The following CDYL variants were observed in gnomAD, a reference collection of about 807,000 sequenced individuals.
CDYL encodes chromodomain Y like, also known as chromodomain Y-like protein.
In CDYL, 8 loss-of-function variants were observed where a neutral mutation model predicts 47.3. The observed-to-expected ratio is 0.17, with a 90% CI of 0.10 to 0.31. The LOEUF (loss-of-function observed/expected upper bound fraction) is 0.31, where lower values mean the gene tolerates loss of function less well. CDYL is among the 10% of genes least tolerant of loss of function. CDYL has a pLI of 1.00. For missense variants in CDYL, 471 were observed against 701.4 expected, an observed-to-expected ratio of 0.67 and a Z score of 3.71; for synonymous variants, 266 against 265.0, an observed-to-expected ratio of 1.00 and a Z score of -0.04.
chr6:4,741,733 C>T (rs570648363), intron 3 of CDYL, among the ~76,000 whole-genome samples: 1 of 152,190 alleles, frequency 6.6e-6, no homozygotes, highest in Non-Finnish European at 1.5e-5. Context: ...AGCTGGGCAG[C>T]AATGTGCCTG....
At position 4,943,770 on chromosome 6, in the gene CDYL, T is replaced by TAAAAAA; in HGVS notation, c.1332+26_1332+31dup. On this transcript the variant is annotated intron_variant, in intron 5 of 6. Coordinates refer to ENST00000397588, the MANE Select transcript of CDYL (RefSeq NM_004824.4). The stretch of plus-strand genomic sequence containing the variant: ...GGAGGAGCATCTGTGAGTACCTTTT[T>TAAAAAA]AAAAAAAAAAAAAAAAAGTCATTCT... 2.2e-5 allele frequency: 26 copies of TAAAAAA among 1,172,790 alleles called. No individual in the cohort carries two copies. Among genetic ancestry groups the TAAAAAA allele is most frequent in the African/African-American group, 3.1e-5 (2 of 63,536 alleles). 72.6% of individuals were successfully genotyped at this position (1,172,790 alleles called of 1,614,324 possible).
intron 1 of CDYL, among the ~76,000 whole-genome samples, chr6:4,869,909 C>T (rs950816115): frequency 3.3e-5 from 5 of 152,040 alleles, no homozygotes; most frequent in African/African-American, 9.7e-5. Context: ...AGTGCTTTAC[C>T]GTTCTTCCCA....
At chr6:4,779,555 A>G (rs1364284614) in intron 1 of CDYL, among the ~76,000 whole-genome samples, 1 of 152,218 alleles carries the variant, frequency 6.6e-6, no homozygotes, top group Non-Finnish European at 1.5e-5. Context: ...ACAAAAAATA[A>G]AGGAACAGAT....
chr6:4,719,768 C>T (rs1409961590), intron 2 of CDYL, among the ~76,000 whole-genome samples: 1 of 152,122 alleles, frequency 6.6e-6, no homozygotes, highest in East Asian at 1.9e-4. Flanking sequence ...TCTTCTTGAT[C>T]TTTAATGAGT....
At chr6:4,927,312 A>C (rs759300433) in intron 2 of CDYL, among the ~76,000 whole-genome samples, 16 of 152,124 alleles carry the variant, frequency 1.1e-4, no homozygotes, top group Admixed American at 5.9e-4. Context: ...CGCTAGCCCT[A>C]AATTGCCATA....
intron 1 of CDYL, among the ~76,000 whole-genome samples, chr6:4,829,825 G>T (rs570601902): frequency 1.1e-4 from 16 of 152,328 alleles, no homozygotes; most frequent in African/African-American, 3.8e-4. Context: ...GGTTGGCTGT[G>T]CTCCCTCTAG....
At chr6:4,811,244 T>A (rs1759518648) in intron 1 of CDYL, among the ~76,000 whole-genome samples, 1 of 152,252 alleles carries the variant, frequency 6.6e-6, no homozygotes, top group South Asian at 2.1e-4. Context: ...AAAAACTTCC[T>A]GAACTATGTT....
chr6:4,896,740 C>T (rs1045401279), intron 2 of CDYL, among the ~76,000 whole-genome samples: 6 of 152,060 alleles, frequency 3.9e-5, no homozygotes, highest in African/African-American at 7.2e-5. Context: ...TTTAGAGCTA[C>T]GTAAAGAAAC....
At chr6:4,796,352 G>A (rs1252657455) in intron 1 of CDYL, among the ~76,000 whole-genome samples, 1 of 152,080 alleles carries the variant, frequency 6.6e-6, no homozygotes, top group Non-Finnish European at 1.5e-5. Context: ...AAGGTGAAAA[G>A]TTTTTTTCTT....
intron 2 of CDYL, among the ~76,000 whole-genome samples, chr6:4,905,771 A>C (rs1299094159): frequency 6.6e-6 from 1 of 151,590 alleles, no homozygotes; most frequent in Non-Finnish European, 1.5e-5. Flanking sequence ...TTTTAGTTTT[A>C]TTTGTTCCCC....
chr6:4,922,570 G>A (rs1470041604), intron 2 of CDYL, among the ~76,000 whole-genome samples: 3 of 152,318 alleles, frequency 2.0e-5, no homozygotes, highest in South Asian at 2.1e-4. Context: ...GCAGCACGGC[G>A]TAATCCAGGT....
chr6:4,814,235 T>C (rs7742941), intron 1 of CDYL, among the ~76,000 whole-genome samples: 2,829 of 152,340 alleles, frequency 0.019, 103 homozygotes, highest in African/African-American at 0.065. Flanking sequence ...TCTTAAACTT[T>C]CTTAAAATGT....
chr6:4,725,068 C>T (rs1001247686), intron 2 of CDYL, among the ~76,000 whole-genome samples: 1 of 152,148 alleles, frequency 6.6e-6, no homozygotes, highest in Admixed American at 6.5e-5. Context: ...TCCACATCCC[C>T]GCTAGATTAG....
chr6:4,829,420 A>G (rs552254853), intron 1 of CDYL, among the ~76,000 whole-genome samples: 3 of 152,364 alleles, frequency 2.0e-5, no homozygotes, highest in African/African-American at 7.2e-5. Flanking sequence ...AAAACAAAAC[A>G]GAGCACTTCT....
chr6:4,710,379 G>GGAAGGAAGGAA (rs1757128696), intron 1 of CDYL, among the ~76,000 whole-genome samples: 5 of 101,162 alleles, frequency 4.9e-5, no homozygotes, highest in Non-Finnish European at 1.0e-4. Flanking sequence ...GAGGGAGGGA[G>GGAAGGAAGGAA]GGAAGGAAGG....
In CDYL at chr6:4,883,955, G is replaced by C. The variant is rs184892426; in HGVS notation, c.25-7758G>C. Among the ~76,000 whole-genome samples the C allele has an allele frequency of 1.8e-4, 27 of 152,302 alleles. No individual in the cohort carries two copies. The East Asian group carries it at 4.6e-3, about 26-fold the overall frequency. ...CTCTCCAAAATGAGTCTACCCTTGA[G>C]TATCTGGGGCAGCCCCCCAGAGGGA... On this transcript the variant is annotated intron_variant, in intron 1 of 6. Coordinates refer to ENST00000397588, the MANE Select transcript of CDYL (RefSeq NM_004824.4).
intron 2 of CDYL, among the ~76,000 whole-genome samples, chr6:4,931,667 A>G (rs1317902025): frequency 6.6e-6 from 1 of 152,128 alleles, no homozygotes; most frequent in Non-Finnish European, 1.5e-5. Flanking sequence ...AAATAGTGCA[A>G]AGTTCAGTGT....
chr6:4,927,112 G>A (rs1202078344), intron 2 of CDYL, among the ~76,000 whole-genome samples: 2 of 152,196 alleles, frequency 1.3e-5, no homozygotes, highest in Non-Finnish European at 2.9e-5. Flanking sequence ...ATGAAGTTTA[G>A]GGCTTTTGGC....
At chr6:4,781,705 A>G (rs754318385) in intron 1 of CDYL, among the ~76,000 whole-genome samples, 2 of 152,290 alleles carry the variant, frequency 1.3e-5, no homozygotes, top group African/African-American at 2.4e-5. Context: ...CTCGTGCTCT[A>G]TAATGATTTT....
Sources: allele counts gnomAD v4.1 joint callset (sites outside exome capture counted in the v4.1 genomes callset), GRCh38; gene constraint gnomAD v4.1.1; transcripts MANE v1.5; gene names NCBI Gene and HGNC (gene_info 2026-07-23, HGNC 2026-07-21).